BCAR1: variants seen among roughly 807,000 people sequenced by gnomAD.
BCAR1 encodes the protein BCAR1 scaffold protein, Cas family member.
In BCAR1, 30 loss-of-function variants were observed where a neutral mutation model predicts 67.6. That is an observed-to-expected ratio of 0.44 (90% CI 0.33 to 0.60). The LOEUF (loss-of-function observed/expected upper bound fraction) is 0.60, where lower values mean the gene tolerates loss of function less well. BCAR1 is among the 20% of genes least tolerant of loss of function. The pLI, the probability that BCAR1 is intolerant of heterozygous loss-of-function variation, is 0.02. For missense variants in BCAR1, 1,313 were observed against 1,222.3 expected, an observed-to-expected ratio of 1.07 and a Z score of -1.11; for synonymous variants, 626 against 556.7, an observed-to-expected ratio of 1.12 and a Z score of -1.75.
At chr16:75,236,704 G>GT in intron 4 of BCAR1, 178 bp downstream of exon 4, 1 of 1,249,794 alleles carries the variant, frequency 8.0e-7, no homozygotes, top group Non-Finnish European at 1.0e-6. Context: ...CAAAGAACCT[G>GT]AGGCTCAGAA....
chr16:75,254,394 T>C (rs1252607045), upstream of BCAR1, among the ~76,000 whole-genome samples: 1 of 152,104 alleles, frequency 6.6e-6, no homozygotes, highest in Non-Finnish European at 1.5e-5. Flanking sequence ...CCCACCCCAC[T>C]AAGTTTAGCC....
At chr16:75,254,691 G>A (rs57376763), upstream of BCAR1, among the ~76,000 whole-genome samples, 4,581 of 152,262 alleles carry the variant, frequency 0.03, 102 homozygotes, top group Middle Eastern at 0.12. Context: ...ATATGTGGCC[G>A]GGGCACCAGC....
chr16:75,266,007 T>TGCGCCGCCC lies in BCAR1; in HGVS notation c.66+1899_66+1907dup, dbSNP rs943848799. The stretch of plus-strand genomic sequence containing the variant: ...CCGGCCGCTCCAGCCGCGCCGCGCA[T>TGCGCCGCCC]GCGCCGCCCGCGCCGCCCCCCCCAC... On this transcript the variant is annotated intron_variant, in intron 1 of 6. Coordinates refer to the BCAR1 transcript ENST00000393422. 119 of 1,030,506 alleles carry TGCGCCGCCC rather than the reference T, an allele frequency of 1.2e-4. No individual in the cohort carries two copies. The African/African-American group carries it at 1.7e-3, about 14-fold the overall frequency. 63.8% of individuals were successfully genotyped at this position (1,030,506 alleles called of 1,614,324 possible). A position where few individuals can be genotyped will look rare whatever the true frequency, so the allele number is the denominator to read the frequency against.
In BCAR1 at chr16:75,229,815, GCCACGGCGGTAAAGAAGGCGT is replaced by G; in HGVS notation, c.2288_2308del (p.Asp763_Val769del). On this transcript the variant is annotated inframe_deletion, in exon 7 of 7. Coordinates refer to ENST00000162330, the MANE Select transcript of BCAR1 (RefSeq NM_014567.5). ...AAAGATCTTGGGCGGCTGGTTGGTG[GCCACGGCGGTAAAGAAGGCGT>G]CCACGGCGTTGGTCAGTGTGGTCAG... 1 of 1,613,524 alleles carries G rather than the reference GCCACGGCGGTAAAGAAGGCGT, an allele frequency of 6.2e-7. No homozygotes were observed. The highest frequency in any genetic ancestry group is 8.5e-7 in the Non-Finnish European group (1 of 1,180,010).
chr16:75,257,585 G>A (rs2077808535), intron 1 of BCAR1, among the ~76,000 whole-genome samples: 1 of 152,210 alleles, frequency 6.6e-6, no homozygotes, highest in Non-Finnish European at 1.5e-5. Flanking sequence ...CTCTTGACTA[G>A]CTGGGTCTAC....
rs1344280422 is a variant in BCAR1 at position 75,229,166 on chromosome 16, G to C, written c.*345C>G. 3.8e-6 allele frequency: 1 copy of C among 266,580 alleles called. No homozygotes were observed. Among genetic ancestry groups the C allele is most frequent in the African/African-American group, 2.2e-5 (1 of 45,456 alleles). The allele number at this position is 266,580 out of a possible 1,614,324, so 16.5% of individuals were successfully genotyped here. Reference sequence around the variant, plus strand: ...ACCAAACTGCACTGGCCCTGTCAGGGGACACGGCACCCTCGTGGGACCAGG... The same window carrying C: ...ACCAAACTGCACTGGCCCTGTCAGGCGACACGGCACCCTCGTGGGACCAGG... On this transcript the variant is annotated 3_prime_UTR_variant, in exon 7 of 7. Transcript: ENST00000162330.
At chr16:75,260,561 G>C (rs929268365) in intron 1 of BCAR1, among the ~76,000 whole-genome samples, 3 of 150,982 alleles carry the variant, frequency 2.0e-5, no homozygotes, top group African/African-American at 7.3e-5. Flanking sequence ...TTGAACCCGG[G>C]AGACAAAGGT....
In BCAR1 at chr16:75,229,503, C is replaced by A; in HGVS notation, c.*8G>T. ...CCCTCCCCTGCCTCCCTCCTGGGGT[C>A]ACCACCCTCAGGCGGCTGCCAGCTG... On this transcript the variant is annotated 3_prime_UTR_variant, in exon 7 of 7. Coordinates refer to ENST00000162330, the MANE Select transcript of BCAR1 (RefSeq NM_014567.5). 1.9e-6 allele frequency: 3 copies of A among 1,550,852 alleles called. No homozygotes were observed. Among genetic ancestry groups the A allele is most frequent in the South Asian group, 2.4e-5 (2 of 83,630 alleles).
At chr16:75,234,845 C>T (rs1303621898) in intron 5 of BCAR1, 44 bp downstream of exon 5, 1 of 1,515,208 alleles carries the variant, frequency 6.6e-7, no homozygotes, top group East Asian at 2.3e-5. Context: ...CACAGGAGCC[C>T]AGCGTGGCAG....
chr16:75,254,016 G>T (rs1437443609), upstream of BCAR1, among the ~76,000 whole-genome samples: 1 of 151,180 alleles, frequency 6.6e-6, no homozygotes, highest in Non-Finnish European at 1.5e-5. Context: ...GGTCAGGCTG[G>T]TCTCGAACTC....
At chr16:75,234,071 A>ACG in intron 5 of BCAR1, 136 bp from the exon 6 acceptor site, 3 of 712,020 alleles carry the variant, frequency 4.2e-6, no homozygotes, top group Non-Finnish European at 7.3e-6. Flanking sequence ...GCACACGTGG[A>ACG]CGCACACACA....
intron 2 of BCAR1, among the ~76,000 whole-genome samples, 156 bp downstream of exon 2, chr16:75,242,314 A>G (rs1317243053): frequency 6.6e-6 from 1 of 151,688 alleles, no homozygotes; most frequent in Non-Finnish European, 1.5e-5. Flanking sequence ...ACAAATGAAC[A>G]CCCCCCAAAC....
intron 1 of BCAR1, among the ~76,000 whole-genome samples, chr16:75,243,779 T>C (rs1478762642): frequency 6.6e-6 from 1 of 152,174 alleles, no homozygotes; most frequent in Non-Finnish European, 1.5e-5. Context: ...ATCAGAGGCA[T>C]GAGTGCCGTG....
At chr16:75,243,920 G>A (rs1283126669) in intron 1 of BCAR1, among the ~76,000 whole-genome samples, 3 of 152,238 alleles carry the variant, frequency 2.0e-5, no homozygotes, top group Non-Finnish European at 2.9e-5. Context: ...CGCAGGATGG[G>A]CCCAGAGAGA....
chr16:75,267,981 G>A (rs2151489358), exon 1 of BCAR1: 1 of 1,583,084 alleles, frequency 6.3e-7, no homozygotes, highest in East Asian at 2.3e-5. Flanking sequence ...GGCAGTGCAT[G>A]CCCTCTCCTG....
Position 75,235,640 on chromosome 16 carries a change from G to T in BCAR1, c.1259C>A (p.Ala420Asp), listed in dbSNP as rs2077092146. 6.2e-7 allele frequency: 1 copy of T among 1,607,726 alleles called. No individual in the cohort carries two copies. The highest frequency in any genetic ancestry group is 8.5e-7 in the Non-Finnish European group (1 of 1,176,350). Reference sequence around the variant, plus strand: ...CGACAGGCGCTTGCCCTCTGCCGGGGCTTCACGTTCAGCTGGGGGAGGCAC... The same window carrying T: ...CGACAGGCGCTTGCCCTCTGCCGGGTCTTCACGTTCAGCTGGGGGAGGCAC... ...YAVPPPAERE[A>D]PAEGKRLSAS... The change falls in exon 5 of 7, where the codon GCC becomes GAC. Residue 420 changes from alanine (A) to aspartate (D), a missense_variant. Coordinates refer to ENST00000162330, the MANE Select transcript of BCAR1 (RefSeq NM_014567.5).
chr16:75,264,666 G>A (rs2077967359), intron 1 of BCAR1: 1 of 1,251,540 alleles, frequency 8.0e-7, no homozygotes, highest in African/African-American at 1.5e-5. Context: ...CAATAACAAT[G>A]CTTTGCACTT....
At chr16:75,262,547 G>C (rs932425081) in intron 1 of BCAR1, among the ~76,000 whole-genome samples, 1 of 152,200 alleles carries the variant, frequency 6.6e-6, no homozygotes, top group Admixed American at 6.5e-5. Context: ...GGGTGCGGCA[G>C]GGGCAGTGGG....
intron 6 of BCAR1, among the ~76,000 whole-genome samples, chr16:75,230,444 A>G (rs1456245243): frequency 6.6e-6 from 1 of 152,184 alleles, no homozygotes; most frequent in Non-Finnish European, 1.5e-5. Flanking sequence ...AATATTTCAA[A>G]ATGGAAGGTT....
Sources: allele counts gnomAD v4.1 joint callset (sites outside exome capture counted in the v4.1 genomes callset), GRCh38; gene constraint gnomAD v4.1.1; transcripts MANE v1.5; gene names NCBI Gene and HGNC (gene_info 2026-07-23, HGNC 2026-07-21).